Variants in ULK4 observed in about 807,000 individuals in gnomAD.
ULK4 encodes the protein unc-51 like kinase 4, also known as inactive serine/threonine-protein kinase ULK4.
ULK4 carries 133 observed loss-of-function variants against 160.6 expected under a neutral mutation model. The ratio of observed to expected loss-of-function variants is 0.83; its 90% CI spans 0.72 to 0.96. ULK4 has a LOEUF of 0.96. Among genes scored for constraint, ULK4 ranks in the 40% least tolerant of loss-of-function variants. The pLI is 0.00. For synonymous variants in ULK4, 534 were observed against 539.8 expected (o/e 0.99, Z 0.15); for missense variants, 1,580 against 1,499.5 (o/e 1.05, Z -0.89).
intron 22 of ULK4, among the ~76,000 whole-genome samples, chr3:41,720,043 A>C (rs2037397050): frequency 6.6e-6 from 1 of 151,708 alleles, no homozygotes; most frequent in African/African-American, 2.4e-5. Flanking sequence ...AACTCACTGT[A>C]CTCTCCAATG....
chr3:41,381,605 C>A (rs566278345), intron 35 of ULK4, among the ~76,000 whole-genome samples: 1 of 152,216 alleles, frequency 6.6e-6, no homozygotes, highest in African/African-American at 2.4e-5. Flanking sequence ...TCAGGAAATT[C>A]TGTTGGTTCT....
intron 4 of ULK4, among the ~76,000 whole-genome samples, chr3:41,932,785 T>C (rs1001287224): frequency 3.3e-5 from 5 of 152,180 alleles, no homozygotes; most frequent in Non-Finnish European, 7.3e-5. Context: ...GCCTCACACC[T>C]GTAATCCCAG....
At chr3:41,550,445 ATCTC>A in intron 32 of ULK4, among the ~76,000 whole-genome samples, 1 of 152,168 alleles carries the variant, frequency 6.6e-6, no homozygotes, top group East Asian at 1.9e-4. Context: ...GGAAAAATAT[ATCTC>A]ACGTGAACAA....
rs1698557878 is a variant in ULK4 at position 41,906,281 on chromosome 3, C to A, written c.1182+1564G>T. Among the ~76,000 whole-genome samples, 6 of 148,512 alleles carry A rather than the reference C, an allele frequency of 4.0e-5. No homozygotes were observed. The South Asian group carries it at 1.3e-3, about 32-fold the overall frequency. Reference sequence around the variant, plus strand: ...GGCTCATACCTACAATCCCAGCACTCTGGGAGGCTGAGACAGGAGCATCGC... The same window carrying A: ...GGCTCATACCTACAATCCCAGCACTATGGGAGGCTGAGACAGGAGCATCGC... On this transcript the variant is annotated intron_variant, in intron 12 of 36. Transcript: ENST00000301831.
chr3:41,622,125 G>A (rs1036493402), intron 30 of ULK4, among the ~76,000 whole-genome samples: 15 of 152,320 alleles, frequency 9.8e-5, no homozygotes, highest in Admixed American at 3.9e-4. Context: ...ATACTGGCAA[G>A]GCTGTGGAGA....
intron 32 of ULK4, among the ~76,000 whole-genome samples, chr3:41,472,816 C>T (rs1341737482): frequency 6.6e-6 from 1 of 151,922 alleles, no homozygotes; most frequent in African/African-American, 2.4e-5. Context: ...AAGGATATCA[C>T]AAGAATAAAA....
rs1167906665 is a variant in ULK4, at chr3:41,398,252, C to T, written c.3505G>A (p.Asp1169Asn). The T allele has an allele frequency of 1.9e-6, 3 of 1,612,064 alleles. No homozygotes were observed. Among genetic ancestry groups the T allele is most frequent in the Admixed American group, 1.7e-5 (1 of 59,494 alleles). Residue 1169 changes from aspartate to asparagine, a missense_variant, in exon 35 of 37, where the codon GAT (aspartate) becomes AAT (asparagine). Transcript: ENST00000301831. ...SLLIPLLPNE[D>N]PEIFDVSSKC... ...GATGAAACATCAAAAATCTCAGGAT[C>T]TTCATTAGGAAGCTGAAAATTAACA... is the stretch of plus-strand genomic sequence containing the variant.
intron 21 of ULK4, among the ~76,000 whole-genome samples, chr3:41,758,747 C>A (rs2038887352): frequency 2.0e-5 from 3 of 151,794 alleles, no homozygotes; most frequent in African/African-American, 7.3e-5. Flanking sequence ...GTGGCGGGTG[C>A]CTGTAGTCCC....
In ULK4 at chr3:41,453,479, T is replaced by C. The variant is rs138964299; in HGVS notation, c.3492+2018A>G. On this transcript the variant is annotated intron_variant, in intron 34 of 36. Coordinates refer to ENST00000301831, the MANE Select transcript of ULK4 (RefSeq NM_017886.4). ...GGCATGAGCCACCACACCTGGCCTG[T>C]ATCAATTTTTACATAGCTATATTTG... Among the ~76,000 whole-genome samples, 99 of 152,314 alleles carry C rather than the reference T, an allele frequency of 6.5e-4. No homozygotes were observed. In the East Asian group the frequency reaches 0.014, roughly 21 times the overall value.
At chr3:41,844,626 A>G (rs1270144713) in intron 17 of ULK4, among the ~76,000 whole-genome samples, 2 of 152,182 alleles carry the variant, frequency 1.3e-5, no homozygotes, top group Non-Finnish European at 2.9e-5. Context: ...GTGCAGCAGC[A>G]GGCTGAAGGG....
At chr3:41,379,590 C>T (rs1455346551) in intron 35 of ULK4, among the ~76,000 whole-genome samples, 2 of 152,180 alleles carry the variant, frequency 1.3e-5, no homozygotes, top group African/African-American at 4.8e-5. Flanking sequence ...GCCTAAAATG[C>T]CAATGAGACC....
At chr3:41,426,652 G>A (rs1487257273) in intron 34 of ULK4, among the ~76,000 whole-genome samples, 2 of 152,072 alleles carry the variant, frequency 1.3e-5, no homozygotes, top group Non-Finnish European at 2.9e-5. Context: ...CGAACAACCT[G>A]CTCCTGAATG....
intron 30 of ULK4, among the ~76,000 whole-genome samples, chr3:41,645,387 G>C (rs1160742946): frequency 6.6e-6 from 1 of 151,874 alleles, no homozygotes; most frequent in Non-Finnish European, 1.5e-5. Context: ...ATTCTGGTAT[G>C]TTGTGTCTTT....
At chr3:41,949,236 G>A (rs1700208469) in intron 2 of ULK4, among the ~76,000 whole-genome samples, 1 of 151,910 alleles carries the variant, frequency 6.6e-6, no homozygotes, top group African/African-American at 2.4e-5. Context: ...TTGAACCTGG[G>A]AGGCAAAGGT....
intron 31 of ULK4, among the ~76,000 whole-genome samples, chr3:41,585,586 A>G (rs2030734754): frequency 1.3e-5 from 2 of 152,218 alleles, no homozygotes; most frequent in South Asian, 2.1e-4. Flanking sequence ...ACATAGAGGA[A>G]AGCTTTGGGA....
chr3:41,872,854 A>T (rs1697149330), intron 17 of ULK4, among the ~76,000 whole-genome samples: 1 of 152,126 alleles, frequency 6.6e-6, no homozygotes, highest in African/African-American at 2.4e-5. Flanking sequence ...AGAGCTGAAG[A>T]TAAAAATCAA....
chr3:41,577,856 C>T (rs1339214539), intron 31 of ULK4, among the ~76,000 whole-genome samples: 1 of 152,150 alleles, frequency 6.6e-6, no homozygotes, highest in Non-Finnish European at 1.5e-5. Context: ...TGATCTCAGC[C>T]AAAAGGCCAA....
chr3:41,301,917 G>A (rs1380991873), intron 35 of ULK4, among the ~76,000 whole-genome samples: 2 of 152,082 alleles, frequency 1.3e-5, no homozygotes, highest in African/African-American at 4.8e-5. Context: ...TATTTATATC[G>A]ATAAATTTAA....
intron 30 of ULK4, among the ~76,000 whole-genome samples, chr3:41,645,629 G>A: frequency 6.6e-6 from 1 of 151,952 alleles, no homozygotes; most frequent in Non-Finnish European, 1.5e-5. Context: ...GTCAATTTTG[G>A]AATAGGTGTG....
Sources: allele counts gnomAD v4.1 joint callset (sites outside exome capture counted in the v4.1 genomes callset), GRCh38; gene constraint gnomAD v4.1.1; transcripts MANE v1.5; gene names NCBI Gene and HGNC (gene_info 2026-07-23, HGNC 2026-07-21).